Variants in CALN1 observed in about 807,000 individuals in gnomAD.
CALN1 encodes calcium-binding protein 8.
Under a neutral mutation model 30.6 loss-of-function variants are expected in CALN1, and 17 were observed. The observed-to-expected ratio is 0.56, with a 90% CI of 0.38 to 0.83. The LOEUF is 0.83. CALN1 is among the 40% of genes least tolerant of loss of function. The pLI, the probability that CALN1 is intolerant of heterozygous loss-of-function variation, is 0.00. For missense variants in CALN1, 291 were observed against 354.9 expected, an observed-to-expected ratio of 0.82 and a Z score of 1.45; for synonymous variants, 156 against 131.4, an observed-to-expected ratio of 1.19 and a Z score of -1.28.
chr7:72,052,092 A>G (rs994283207), intron 4 of CALN1, among the ~76,000 whole-genome samples: 1 of 152,202 alleles, frequency 6.6e-6, no homozygotes, highest in African/African-American at 2.4e-5. Flanking sequence ...GATGATCACT[A>G]TTCAGGAGAT....
At chr7:71,917,734 A>T (rs1794753446) in intron 5 of CALN1, among the ~76,000 whole-genome samples, 1 of 151,992 alleles carries the variant, frequency 6.6e-6, no homozygotes, top group Non-Finnish European at 1.5e-5. Flanking sequence ...CAGCATGGGG[A>T]TGATTCAATT....
chr7:71,992,360 T>C (rs1486652695), intron 5 of CALN1, among the ~76,000 whole-genome samples: 2 of 152,178 alleles, frequency 1.3e-5, no homozygotes, highest in Admixed American at 1.3e-4. Flanking sequence ...CATTTTTTTT[T>C]ACTATTATTT....
chr7:72,140,340 AAGGGAGGGAGGGAGGGAGGGAGGG>A (rs200997090), intron 3 of CALN1, among the ~76,000 whole-genome samples: 14 of 65,326 alleles, frequency 2.1e-4, no homozygotes, highest in African/African-American at 4.5e-4. Context: ...AGAAGGAAGG[AAGGGAGGGAGGGAGGGAGGGAGGG>A]AGGGAGGGAG....
chr7:71,835,580 C>A (rs1037769679), intron 5 of CALN1, among the ~76,000 whole-genome samples: 3 of 152,254 alleles, frequency 2.0e-5, no homozygotes, highest in African/African-American at 7.2e-5. Flanking sequence ...CTGGCCTCAT[C>A]TTTTTAAATT....
chr7:72,323,619 C>T (rs1162119668), intron 2 of CALN1, among the ~76,000 whole-genome samples: 1 of 149,128 alleles, frequency 6.7e-6, no homozygotes, highest in Non-Finnish European at 1.5e-5. Flanking sequence ...GCTGAGATCA[C>T]GCCACAGCAC....
chr7:72,411,138 T>TA (rs1491035436), intron 1 of CALN1, among the ~76,000 whole-genome samples: 2 of 148,408 alleles, frequency 1.3e-5, no homozygotes, highest in African/African-American at 5.3e-5. Flanking sequence ...AGAGCAAACA[T>TA]AAAGGTTTTA....
intron 2 of CALN1, among the ~76,000 whole-genome samples, chr7:72,335,707 C>T (rs1801976876): frequency 2.6e-5 from 4 of 152,316 alleles, no homozygotes; most frequent in South Asian, 2.1e-4. Flanking sequence ...GGAAGAAAGG[C>T]GCCTTCCTCA....
At chr7:71,910,165 G>A (rs1794351663) in intron 5 of CALN1, among the ~76,000 whole-genome samples, 1 of 152,060 alleles carries the variant, frequency 6.6e-6, no homozygotes, top group Non-Finnish European at 1.5e-5. Context: ...ATTTGGATGG[G>A]GACACAGCCA....
chr7:72,471,241 C>G, the CALN1 span, among the ~76,000 whole-genome samples: 1 of 152,154 alleles, frequency 6.6e-6, no homozygotes, highest in Non-Finnish European at 1.5e-5. Flanking sequence ...GGTTTCCTAA[C>G]TAGCCCCCAG....
intron 3 of CALN1, among the ~76,000 whole-genome samples, chr7:72,159,534 A>T (rs894269432): frequency 2.6e-5 from 4 of 151,940 alleles, no homozygotes; most frequent in African/African-American, 9.7e-5. Context: ...ATAGTGGCTT[A>T]TGCCTGTAAT....
rs569882757 is a variant in CALN1 at position 71,811,607 on chromosome 7, C to G, written c.502-1115G>C. Among the ~76,000 whole-genome samples, 8 of 152,100 alleles carry G rather than the reference C, an allele frequency of 5.3e-5. No homozygotes were observed. The South Asian group carries it at 1.7e-3, about 32-fold the overall frequency. On this transcript the variant is annotated intron_variant, in intron 5 of 6. Transcript: ENST00000395275. ...GCAGAGTTCCTGATTACATCCTGCC[C>G]CTCCCCGAGAGAGGACTGTACTTTT...
intron 2 of CALN1, among the ~76,000 whole-genome samples, chr7:72,317,570 C>CGCTGGAGACAGAACTGTGACCA (rs1171332785): frequency 1.3e-5 from 2 of 152,140 alleles, no homozygotes; most frequent in African/African-American, 4.8e-5. Context: ...GGGCTGCAAA[C>CGCTGGAGACAGAACTGTGACCA]GCTGGAGACA....
intron 3 of CALN1, among the ~76,000 whole-genome samples, chr7:72,203,988 T>A (rs1158946024): frequency 1.4e-5 from 1 of 74,016 alleles, no homozygotes. Context: ...TCTTTTTTTT[T>A]TTTTTTTTTT....
chr7:71,883,316 AG>A (rs1309538075), intron 5 of CALN1, among the ~76,000 whole-genome samples: 1 of 152,188 alleles, frequency 6.6e-6, no homozygotes, highest in Non-Finnish European at 1.5e-5. Flanking sequence ...TGGAAGGCCT[AG>A]ATGGGAGGAT....
At chr7:72,358,890 G>A (rs1050908714) in intron 2 of CALN1, among the ~76,000 whole-genome samples, 2 of 151,828 alleles carry the variant, frequency 1.3e-5, no homozygotes, top group African/African-American at 2.4e-5. Flanking sequence ...CCCAGGAGGC[G>A]GAGGTTGCAG....
chr7:72,362,590 G>T (rs1803634835), intron 2 of CALN1, among the ~76,000 whole-genome samples: 1 of 152,116 alleles, frequency 6.6e-6, no homozygotes, highest in South Asian at 2.1e-4. Flanking sequence ...ATGGTGGCCT[G>T]GTTCCAGAGG....
chr7:71,888,672 G>A (rs1192932445), intron 5 of CALN1, among the ~76,000 whole-genome samples: 1 of 152,072 alleles, frequency 6.6e-6, no homozygotes, highest in Non-Finnish European at 1.5e-5. Flanking sequence ...TGGGTGAGAA[G>A]GGAGTTAGTC....
chr7:72,270,615 T>C (rs184741663), intron 3 of CALN1, among the ~76,000 whole-genome samples: 2 of 151,044 alleles, frequency 1.3e-5, no homozygotes, highest in Non-Finnish European at 3.0e-5. Flanking sequence ...CTAAAAAAAA[T>C]TTTTTTTTAA....
chr7:72,167,499 C>A (rs1403336857), intron 3 of CALN1, among the ~76,000 whole-genome samples: 3 of 152,148 alleles, frequency 2.0e-5, no homozygotes, highest in Non-Finnish European at 4.4e-5. Flanking sequence ...AGCCCGCCAC[C>A]ATGCTCAGCT....
Sources: gnomAD v4.1 joint callset for allele counts (sites outside exome capture counted in the v4.1 genomes callset) on GRCh38, gnomAD v4.1.1 for gene constraint, MANE v1.5 for transcripts, NCBI Gene and HGNC (gene_info 2026-07-23, HGNC 2026-07-21) for gene names.